ITPR2: variants seen among roughly 807,000 people sequenced by gnomAD.
ITPR2 encodes the protein inositol 1,4,5-trisphosphate receptor type 2, also known as inositol 1,4,5-trisphosphate-gated calcium channel ITPR2.
In ITPR2, 207 loss-of-function variants were observed where a neutral mutation model predicts 317.1. The observed-to-expected ratio is 0.65, with a 90% CI of 0.58 to 0.73. The LOEUF (loss-of-function observed/expected upper bound fraction) is 0.73, where lower values mean the gene tolerates loss of function less well. Ranked by LOEUF, ITPR2 falls within the 30% of genes least tolerant of loss-of-function variation. ITPR2 has a pLI of 0.00. For synonymous variants in ITPR2, 1,156 were observed against 1,149.1 expected (o/e 1.01, Z -0.12); for missense variants, 2,613 against 3,284.0 (o/e 0.80, Z 4.99).
At chr12:26,572,550 T>G (rs1945188045) in intron 34 of ITPR2, among the ~76,000 whole-genome samples, 1 of 152,236 alleles carries the variant, frequency 6.6e-6, no homozygotes. Context: ...TTAAGTAGAC[T>G]GAAGCCAGTT....
At chr12:26,741,475 T>C (rs577884138) in intron 2 of ITPR2, among the ~76,000 whole-genome samples, 3 of 152,336 alleles carry the variant, frequency 2.0e-5, no homozygotes, top group East Asian at 1.9e-4. Context: ...TTTATAAACA[T>C]GTTTTATACA....
intron 37 of ITPR2, among the ~76,000 whole-genome samples, chr12:26,546,965 G>GA (rs1195404329): frequency 6.6e-6 from 1 of 152,024 alleles, no homozygotes; most frequent in Non-Finnish European, 1.5e-5. Context: ...AAAACCTAGG[G>GA]AAAACTCTCT....
chr12:26,649,939 T>C (rs1947207728), intron 21 of ITPR2, among the ~76,000 whole-genome samples: 1 of 152,202 alleles, frequency 6.6e-6, no homozygotes, highest in Non-Finnish European at 1.5e-5. Flanking sequence ...CATTTATTTA[T>C]TAATTGTCTT....
chr12:26,801,746 A>G (rs1332067017), intron 1 of ITPR2, among the ~76,000 whole-genome samples: 2 of 152,224 alleles, frequency 1.3e-5, no homozygotes, highest in Non-Finnish European at 2.9e-5. Flanking sequence ...TACATGTGCC[A>G]AAAGTCAGAC....
At chr12:26,411,635 T>G (rs1338275076) in intron 51 of ITPR2, among the ~76,000 whole-genome samples, 1 of 152,224 alleles carries the variant, frequency 6.6e-6, no homozygotes, top group African/African-American at 2.4e-5. Context: ...TAAAAGCCTT[T>G]TATACCTTTT....
At chr12:26,572,817 G>A (rs866077813) in intron 34 of ITPR2, among the ~76,000 whole-genome samples, 22 of 152,168 alleles carry the variant, frequency 1.4e-4, no homozygotes, top group Middle Eastern at 3.4e-3. Context: ...GGTTGACATG[G>A]TAATAGTGGC....
Position 26,405,109 on chromosome 12 carries a change from G to T in ITPR2, c.7400-4851C>A, listed in dbSNP as rs1940305851. On this transcript the variant is annotated intron_variant, in intron 52 of 56. Coordinates refer to ENST00000381340, the MANE Select transcript of ITPR2 (RefSeq NM_002223.4). ...AGACCGTGCCATTGCACTCTAGCCT[G>T]GGCAACAAGAGCAAAACTCTGTCTC... Among the ~76,000 whole-genome samples the T allele has an allele frequency of 2.0e-5, 3 of 149,872 alleles. No individual in the cohort carries two copies. The South Asian group carries it at 6.4e-4, about 32-fold the overall frequency.
intron 34 of ITPR2, among the ~76,000 whole-genome samples, chr12:26,567,986 ATAT>A (rs1229031860): frequency 6.2e-5 from 1 of 16,100 alleles, no homozygotes; most frequent in East Asian, 4.6e-4. Flanking sequence ...TATTATATAT[ATAT>A]ATATATATTA....
chr12:26,437,471 AC>A (rs1349456205), intron 47 of ITPR2, among the ~76,000 whole-genome samples: 3 of 152,170 alleles, frequency 2.0e-5, no homozygotes, highest in Admixed American at 1.3e-4. Flanking sequence ...TAAACTATAA[AC>A]ATCTGCATCT....
intron 33 of ITPR2, 64 bp downstream of exon 33, chr12:26,579,963 A>C (rs1045000607): frequency 8.3e-6 from 12 of 1,445,080 alleles, no homozygotes; most frequent in Admixed American, 8.2e-5. Flanking sequence ...GACCAGAAAA[A>C]ATTTCTCCTA....
intron 49 of ITPR2, among the ~76,000 whole-genome samples, chr12:26,426,551 A>G (rs1314901812): frequency 1.3e-5 from 2 of 152,162 alleles, no homozygotes; most frequent in Non-Finnish European, 2.9e-5. Flanking sequence ...CTTACAGAAT[A>G]ATATATTTGG....
rs539832081 is a variant in ITPR2, at chr12:26,441,589, T to C, written c.6450+1954A>G. On this transcript the variant is annotated intron_variant, in intron 46 of 56. Coordinates refer to ENST00000381340, the MANE Select transcript of ITPR2 (RefSeq NM_002223.4). ...GAGGAAGGACTCTCTGAGTAGGTCA[T>C]GTGAGCTGGCTTCAGATGAGTGCAA... 1.2e-4 allele frequency among the ~76,000 whole-genome samples: 19 copies of C among 152,314 alleles called. No individual in the cohort carries two copies. The South Asian group carries it at 2.5e-3, about 20-fold the overall frequency.
At chr12:26,475,252 T>TGAGCAAAATAA (rs1470543248) in intron 45 of ITPR2, 44 bp downstream of exon 45, 14 of 1,608,502 alleles carry the variant, frequency 8.7e-6, no homozygotes, top group Non-Finnish European at 1.2e-5. Context: ...CAAAACACGA[T>TGAGCAAAATAA]TGATAGGATG....
At chr12:26,662,963 A>T (rs745775628) in intron 15 of ITPR2, among the ~76,000 whole-genome samples, 8 of 152,068 alleles carry the variant, frequency 5.3e-5, no homozygotes, top group Non-Finnish European at 1.0e-4. Flanking sequence ...GAGCCACGCC[A>T]CCTGGTTTGT....
At chr12:26,428,700 T>A (rs1038359030) in intron 48 of ITPR2, among the ~76,000 whole-genome samples, 1 of 152,198 alleles carries the variant, frequency 6.6e-6, no homozygotes, top group African/African-American at 2.4e-5. Context: ...ACATTCCAAA[T>A]GTCTTAAAAA....
At chr12:26,540,507 C>T (rs1282233999) in intron 37 of ITPR2, among the ~76,000 whole-genome samples, 2 of 152,044 alleles carry the variant, frequency 1.3e-5, no homozygotes, top group African/African-American at 4.8e-5. Context: ...TTTTCACCTA[C>T]AATCATTAGC....
chr12:26,723,362 A>C (rs1354435732), intron 4 of ITPR2, among the ~76,000 whole-genome samples: 2 of 152,152 alleles, frequency 1.3e-5, no homozygotes, highest in African/African-American at 4.8e-5. Context: ...AAAGCAATGG[A>C]AACCCTCATG....
chr12:26,362,942 C>T (rs895416358), intron 55 of ITPR2, among the ~76,000 whole-genome samples: 6 of 152,106 alleles, frequency 3.9e-5, no homozygotes, highest in African/African-American at 1.2e-4. Flanking sequence ...CAATGCTCCC[C>T]AAGACACAGG....
chr12:26,367,950 A>C (rs1939061834), intron 55 of ITPR2, among the ~76,000 whole-genome samples: 1 of 152,144 alleles, frequency 6.6e-6, no homozygotes, highest in African/African-American at 2.4e-5. Context: ...CCTCGACTAC[A>C]TTTTCTTTGT....
Sources: allele counts gnomAD v4.1 joint callset (sites outside exome capture counted in the v4.1 genomes callset), GRCh38; gene constraint gnomAD v4.1.1; transcripts MANE v1.5; gene names NCBI Gene and HGNC (gene_info 2026-07-23, HGNC 2026-07-21).